Variants in GNB5 observed in about 807,000 individuals in gnomAD.
GNB5 encodes the protein G protein subunit beta 5, also known as guanine nucleotide-binding protein subunit beta-5.
A neutral mutation model predicts 55.3 loss-of-function variants in GNB5; 37 were observed. That is an observed-to-expected ratio of 0.67 (90% CI 0.51 to 0.88). The LOEUF (loss-of-function observed/expected upper bound fraction) is 0.88. GNB5 is among the 40% of genes least tolerant of loss of function. The pLI is 0.00. For missense variants in GNB5, 476 were observed against 515.3 expected, an observed-to-expected ratio of 0.92 and a Z score of 0.74; for synonymous variants, 219 against 198.5, an observed-to-expected ratio of 1.10 and a Z score of -0.87.
intron 7 of GNB5, chr15:52,139,462 C>T: frequency 6.4e-6 from 1 of 156,476 alleles, no homozygotes; most frequent in South Asian, 1.8e-4. Flanking sequence ...TCTCAAAAAA[C>T]AAACAAACAA....
intron 3 of GNB5, among the ~76,000 whole-genome samples, chr15:52,172,427 C>A (rs1404439116): frequency 1.3e-5 from 2 of 151,978 alleles, no homozygotes; most frequent in African/African-American, 4.8e-5. Flanking sequence ...CCATGCCCGG[C>A]CTCCTTTTAT....
In GNB5 at chr15:52,149,528, G is replaced by C. The variant is rs2034046819; in HGVS notation, c.417+356C>G. 3 of 562,486 alleles carry C rather than the reference G, an allele frequency of 5.3e-6. No individual in the cohort carries two copies. In the East Asian group the frequency reaches 8.7e-5, roughly 16 times the overall value. 34.8% of individuals were successfully genotyped at this position (562,486 alleles called of 1,614,324 possible). Reference sequence around the variant, plus strand: ...CAGGGCTATGGAGTCTGGTCAAAGAGAGGGGAGAGAGAATGGAGAATTTTG... The same window carrying C: ...CAGGGCTATGGAGTCTGGTCAAAGACAGGGGAGAGAGAATGGAGAATTTTG... On this transcript the variant is annotated intron_variant, in intron 5 of 12. Coordinates refer to ENST00000261837, the MANE Select transcript of GNB5 (RefSeq NM_016194.4).
At chr15:52,189,160 G>C (rs2034885005) in intron 1 of GNB5, among the ~76,000 whole-genome samples, 1 of 152,196 alleles carries the variant, frequency 6.6e-6, no homozygotes, top group East Asian at 1.9e-4. Flanking sequence ...ATACATTGCT[G>C]GTGGGAAGGT....
intron 1 of GNB5, among the ~76,000 whole-genome samples, chr15:52,186,340 C>T (rs1432095055): frequency 6.6e-6 from 1 of 152,206 alleles, no homozygotes; most frequent in African/African-American, 2.4e-5. Flanking sequence ...TCTGGGCCTT[C>T]CAGGAATCTG....
At chr15:52,166,234 A>G (rs2034448061) in intron 3 of GNB5, among the ~76,000 whole-genome samples, 3 of 152,208 alleles carry the variant, frequency 2.0e-5, no homozygotes, top group African/African-American at 4.8e-5. Context: ...CTCCCACACA[A>G]TAATAGTGGG....
chr15:52,152,119 G>C (rs2034108987), intron 4 of GNB5, among the ~76,000 whole-genome samples: 1 of 151,318 alleles, frequency 6.6e-6, no homozygotes, highest in Non-Finnish European at 1.5e-5. Flanking sequence ...TACTAGATTT[G>C]TAGGTAATCT....
chr15:52,136,172 A>ACACACACACACACACACC lies in GNB5; in HGVS notation c.628-417_628-416insGGTGTGTGTGTGTGTGTG, dbSNP rs1168734914. 1.0e-3 allele frequency among the ~76,000 whole-genome samples: 105 copies of ACACACACACACACACACC among 100,102 alleles called. 9 individuals carry two copies. Among genetic ancestry groups the ACACACACACACACACACC allele is most frequent in the African/African-American group, 4.3e-3 (99 of 22,774 alleles). The allele number at this position is 100,102 out of a possible 152,430, so 65.7% of individuals were successfully genotyped here. On this transcript the variant is annotated intron_variant, in intron 7 of 12. Coordinates refer to ENST00000261837, the MANE Select transcript of GNB5 (RefSeq NM_016194.4). ...CACACACACACACACACACACACAC[A>ACACACACACACACACACC]CCCTACCTGCTGTATCTGGGTTCAT...
chr15:52,134,895 A>G (rs906760523), intron 8 of GNB5, among the ~76,000 whole-genome samples: 3 of 151,884 alleles, frequency 2.0e-5, no homozygotes, highest in African/African-American at 4.8e-5. Flanking sequence ...TTGCATACAC[A>G]CTGCAAACTC....
chr15:52,146,982 A>G (rs965917340), intron 6 of GNB5, among the ~76,000 whole-genome samples: 1 of 152,104 alleles, frequency 6.6e-6, no homozygotes, highest in Non-Finnish European at 1.5e-5. Flanking sequence ...CTGGATGTGG[A>G]GTCACCAGAT....
At chr15:52,131,078 G>A (rs778464277) in intron 9 of GNB5, among the ~76,000 whole-genome samples, 3 of 152,120 alleles carry the variant, frequency 2.0e-5, no homozygotes, top group Non-Finnish European at 2.9e-5. Context: ...CGCCCACCTC[G>A]GCCTCCCAAA....
intron 3 of GNB5, among the ~76,000 whole-genome samples, chr15:52,169,261 A>G (rs2034507728): frequency 6.6e-6 from 1 of 152,110 alleles, no homozygotes; most frequent in African/African-American, 2.4e-5. Flanking sequence ...CGGAGGCTGC[A>G]GTGAGCCGAG....
intron 3 of GNB5, among the ~76,000 whole-genome samples, chr15:52,156,689 T>C (rs1017920683): frequency 3.3e-5 from 5 of 152,120 alleles, no homozygotes; most frequent in Non-Finnish European, 5.9e-5. Flanking sequence ...GAGGTCGCAG[T>C]GAGCTGAGAT....
chr15:52,127,004 C>A (rs1399327517), intron 10 of GNB5, among the ~76,000 whole-genome samples: 1 of 152,126 alleles, frequency 6.6e-6, no homozygotes. Context: ...ACCACATTGG[C>A]CAGGCTGGTC....
chr15:52,130,387 G>A (rs191520377), intron 9 of GNB5, among the ~76,000 whole-genome samples: 8 of 152,298 alleles, frequency 5.3e-5, no homozygotes, highest in African/African-American at 1.7e-4. Context: ...TGTAGCATCC[G>A]TCACAGAAGT....
intron 3 of GNB5, among the ~76,000 whole-genome samples, chr15:52,171,942 T>C (rs2034561594): frequency 6.6e-6 from 1 of 152,206 alleles, no homozygotes; most frequent in African/African-American, 2.4e-5. Context: ...TTAACAATAT[T>C]AGCATCTGCC....
chr15:52,181,911 T>C (rs1192230645), intron 2 of GNB5, among the ~76,000 whole-genome samples: 6 of 151,840 alleles, frequency 4.0e-5, no homozygotes, highest in African/African-American at 1.4e-4. Flanking sequence ...AACAAACATG[T>C]TTATAAATGA....
At chr15:52,176,758 T>C (rs1375973091) in intron 3 of GNB5, among the ~76,000 whole-genome samples, 2 of 152,214 alleles carry the variant, frequency 1.3e-5, no homozygotes, top group Non-Finnish European at 2.9e-5. Flanking sequence ...GCTGTCTTGT[T>C]CTGCCACAAA....
At chr15:52,154,154 T>C (rs948229363) in intron 3 of GNB5, 78 bp from the exon 4 acceptor site, 7 of 1,417,508 alleles carry the variant, frequency 4.9e-6, no homozygotes, top group African/African-American at 2.9e-5. Flanking sequence ...CACAGACATA[T>C]GTTCCGCAGA....
chr15:52,133,530 G>A, intron 8 of GNB5, 61 bp from the exon 9 acceptor site: 5 of 1,042,502 alleles, frequency 4.8e-6, no homozygotes, highest in East Asian at 2.4e-5. Flanking sequence ...GACAAGGCAC[G>A]AGTCCCAGTT....
Sources: allele counts gnomAD v4.1 joint callset (sites outside exome capture counted in the v4.1 genomes callset), GRCh38; gene constraint gnomAD v4.1.1; transcripts MANE v1.5; gene names NCBI Gene and HGNC (gene_info 2026-07-23, HGNC 2026-07-21).